Variants in CNRIP1 observed in about 807,000 individuals in gnomAD.
The protein encoded by CNRIP1 is CB1 cannabinoid receptor-interacting protein 1.
In CNRIP1, 10 loss-of-function variants were observed where a neutral mutation model predicts 15.2. The observed-to-expected ratio is 0.66, with a 90% CI of 0.41 to 1.12. The LOEUF (loss-of-function observed/expected upper bound fraction) is 1.12. CNRIP1 is among the 50% of genes most tolerant of loss of function. CNRIP1 has a pLI of 0.00. For synonymous variants in CNRIP1, 91 were observed against 83.2 expected, an observed-to-expected ratio of 1.09 and a Z score of -0.51; for missense variants, 211 against 214.7, an observed-to-expected ratio of 0.98 and a Z score of 0.11.
downstream of CNRIP1, among the ~76,000 whole-genome samples, chr2:68,289,045 C>T (rs940815193): frequency 5.9e-5 from 9 of 152,166 alleles, no homozygotes; most frequent in Admixed American, 1.3e-4. Context: ...TTTTGAATCT[C>T]TGAGACATTT....
downstream of CNRIP1, among the ~76,000 whole-genome samples, chr2:68,290,607 C>T (rs1461909981): frequency 6.6e-6 from 1 of 152,148 alleles, no homozygotes; most frequent in Non-Finnish European, 1.5e-5. Flanking sequence ...TTGTCTTCTT[C>T]CCTTTCATGT....
At chr2:68,299,162 G>T (rs908958146) in intron 2 of CNRIP1, among the ~76,000 whole-genome samples, 1 of 152,142 alleles carries the variant, frequency 6.6e-6, no homozygotes, top group Non-Finnish European at 1.5e-5. Context: ...CAAGAACCTA[G>T]GTCTCCTAAT....
intron 2 of CNRIP1, among the ~76,000 whole-genome samples, chr2:68,298,901 C>T (rs1414301807): frequency 6.6e-6 from 1 of 152,184 alleles, no homozygotes; most frequent in African/African-American, 2.4e-5. Flanking sequence ...CACTCCCTCC[C>T]CGCCCATCTG....
intron 2 of CNRIP1, among the ~76,000 whole-genome samples, chr2:68,307,524 C>T (rs1466159938): frequency 6.6e-6 from 1 of 152,056 alleles, no homozygotes; most frequent in Non-Finnish European, 1.5e-5. Context: ...TAGGATTTTG[C>T]TATATTGCTC....
chr2:68,288,726 T>A (rs149806140), downstream of CNRIP1, among the ~76,000 whole-genome samples: 2 of 152,240 alleles, frequency 1.3e-5, no homozygotes, highest in African/African-American at 2.4e-5. Flanking sequence ...AATTAATATA[T>A]CCACAGAAAC....
chr2:68,287,603 C>A (rs1671061690), intron 2 of CNRIP1, among the ~76,000 whole-genome samples: 1 of 152,220 alleles, frequency 6.6e-6, no homozygotes, highest in Non-Finnish European at 1.5e-5. Flanking sequence ...GGTGATCAAT[C>A]ATCTTGAAAG....
In CNRIP1 at chr2:68,319,756, A is replaced by G; in HGVS notation, c.-356T>C. On this transcript the variant is annotated 5_prime_UTR_variant, in exon 1 of 3. Coordinates refer to ENST00000263655, the MANE Select transcript of CNRIP1 (RefSeq NM_015463.3). ...CCGCGCAGCTGGGGGCGAGGGAGTT[A>G]ATCCTGTTTACGCACCACAATCCCC... is the stretch of plus-strand genomic sequence containing the variant. 1.3e-5 allele frequency: 3 copies of G among 238,306 alleles called. No homozygotes were observed. The highest frequency in any genetic ancestry group is 2.8e-3 in the Middle Eastern group (2 of 708). 14.8% of individuals were successfully genotyped at this position (238,306 alleles called of 1,614,324 possible). A position where few individuals can be genotyped will look rare whatever the true frequency, so the allele number is the denominator to read the frequency against.
chr2:68,319,450 C>G lies in CNRIP1; in HGVS notation c.-50G>C. On this transcript the variant is annotated 5_prime_UTR_variant, in exon 1 of 3. Coordinates refer to ENST00000263655, the MANE Select transcript of CNRIP1 (RefSeq NM_015463.3). Reference sequence around the variant, plus strand: ...GGCTCCGGGGGGCGGAGGACAGCGCCGGCTGCGGCCGAGTGGCTGGAGCGC... The same window carrying G: ...GGCTCCGGGGGGCGGAGGACAGCGCGGGCTGCGGCCGAGTGGCTGGAGCGC... 13 of 1,448,444 alleles carry G rather than the reference C, an allele frequency of 9.0e-6. No homozygotes were observed. Among genetic ancestry groups the G allele is most frequent in the Non-Finnish European group, 1.2e-5 (13 of 1,101,978 alleles). 89.7% of individuals were successfully genotyped at this position (1,448,444 alleles called of 1,614,324 possible). A position where few individuals can be genotyped will look rare whatever the true frequency, so the allele number is the denominator to read the frequency against.
At chr2:68,289,063 G>A (rs1344794109), downstream of CNRIP1, among the ~76,000 whole-genome samples, 1 of 152,176 alleles carries the variant, frequency 6.6e-6, no homozygotes, top group Admixed American at 6.5e-5. Flanking sequence ...TTTTTCCTCT[G>A]TAAAATGGAG....
downstream of CNRIP1, among the ~76,000 whole-genome samples, chr2:68,292,725 T>G (rs1671208133): frequency 6.6e-6 from 1 of 152,132 alleles, no homozygotes; most frequent in South Asian, 2.1e-4. Context: ...CTGAGTCACA[T>G]AGCTCACCAA....
intron 2 of CNRIP1, among the ~76,000 whole-genome samples, chr2:68,312,418 T>C (rs1048379259): frequency 6.6e-6 from 1 of 152,180 alleles, no homozygotes; most frequent in Non-Finnish European, 1.5e-5. Context: ...AATACGTTCA[T>C]GATTAAAAAA....
intron 2 of CNRIP1, among the ~76,000 whole-genome samples, chr2:68,295,007 C>G (rs999273356): frequency 6.6e-6 from 1 of 152,124 alleles, no homozygotes; most frequent in Admixed American, 6.5e-5. Flanking sequence ...GCTCAAGTGG[C>G]CTGTGGGGTA....
intron 2 of CNRIP1, among the ~76,000 whole-genome samples, chr2:68,314,710 T>C (rs957330118): frequency 4.6e-5 from 7 of 152,088 alleles, no homozygotes; most frequent in Non-Finnish European, 7.4e-5. Context: ...TAACAATAGA[T>C]AGATCAATGG....
chr2:68,310,404 A>G (rs1672031767), intron 2 of CNRIP1, among the ~76,000 whole-genome samples: 1 of 152,180 alleles, frequency 6.6e-6, no homozygotes, highest in African/African-American at 2.4e-5. Context: ...ATATCCAAAA[A>G]TCTCAGTATA....
At chr2:68,288,067 G>GGCCAGCCA (rs70949693), downstream of CNRIP1, among the ~76,000 whole-genome samples, 84,290 of 149,712 alleles carry the variant, frequency 0.56, 24,118 homozygotes, top group South Asian at 0.68. Context: ...GCAGCCGGCC[G>GGCCAGCCA]GCCAGCCAGC....
chr2:68,296,711 C>A (rs1243487669), intron 2 of CNRIP1, among the ~76,000 whole-genome samples: 3 of 152,138 alleles, frequency 2.0e-5, no homozygotes, highest in Non-Finnish European at 4.4e-5. Flanking sequence ...GATCTCGGCT[C>A]ACTGCAACCT....
At chr2:68,319,157 G>A in intron 1 of CNRIP1, 65 bp downstream of exon 1, 1 of 1,443,004 alleles carries the variant, frequency 6.9e-7, no homozygotes, top group South Asian at 1.4e-5. Context: ...GGCTGTCCTG[G>A]GGGCCTCAGT....
Position 68,305,259 on chromosome 2 carries a change from A to ATAT in CNRIP1, c.331-11234_331-11233insATA, listed in dbSNP as rs1553415389. Among the ~76,000 whole-genome samples, 45 of 100,320 alleles carry ATAT rather than the reference A, an allele frequency of 4.5e-4. 1 individual carries two copies. Among genetic ancestry groups the ATAT allele is most frequent in the African/African-American group, 6.9e-4 (19 of 27,426 alleles). The allele number at this position is 100,320 out of a possible 152,430, so 65.8% of individuals were successfully genotyped here. ...AACTCCGTCTCAAAAAAAAAAAAAA[A>ATAT]ATATATATATATATATGTGTGTGTG... is the stretch of plus-strand genomic sequence containing the variant. On this transcript the variant is annotated intron_variant, in intron 2 of 2. Transcript: ENST00000263655.
intron 2 of CNRIP1, chr2:68,316,775 C>T (rs891558472): frequency 1.1e-4 from 45 of 422,872 alleles, no homozygotes; most frequent in Non-Finnish European, 2.1e-5. Context: ...CTTTAAGTAG[C>T]AAAGTGTCAT....
Sources: allele counts gnomAD v4.1 joint callset (sites outside exome capture counted in the v4.1 genomes callset), GRCh38; gene constraint gnomAD v4.1.1; transcripts MANE v1.5; gene names NCBI Gene and HGNC (gene_info 2026-07-23, HGNC 2026-07-21).